DPP10: variants seen among roughly 807,000 people sequenced by gnomAD.
The protein encoded by DPP10 is dipeptidyl peptidase like 10, also known as inactive dipeptidyl peptidase 10.
Under a neutral mutation model 120.9 loss-of-function variants are expected in DPP10, and 33 were observed. The observed-to-expected ratio is 0.27, with a 90% CI of 0.21 to 0.37. DPP10 has a LOEUF of 0.37. DPP10 is among the 10% of genes least tolerant of loss of function. The pLI, the probability that DPP10 is intolerant of heterozygous loss-of-function variation, is 1.00. For missense variants in DPP10, 816 were observed against 942.8 expected, an observed-to-expected ratio of 0.87 and a Z score of 1.76; for synonymous variants, 337 against 326.1, an observed-to-expected ratio of 1.03 and a Z score of -0.36.
At chr2:114,590,679 G>A (rs893111133) in intron 1 of DPP10, among the ~76,000 whole-genome samples, 1 of 152,104 alleles carries the variant, frequency 6.6e-6, no homozygotes, top group South Asian at 2.1e-4. Context: ...TGGAAAGAGA[G>A]GCATAGTACA....
intron 5 of DPP10, among the ~76,000 whole-genome samples, chr2:115,645,483 T>C (rs1427245273): frequency 1.3e-5 from 2 of 152,170 alleles, no homozygotes; most frequent in African/African-American, 2.4e-5. Context: ...CTAGAAACTA[T>C]ATCAAATGAC....
intron 19 of DPP10, among the ~76,000 whole-genome samples, chr2:115,799,510 T>G (rs1044547855): frequency 6.6e-6 from 1 of 152,138 alleles, no homozygotes; most frequent in East Asian, 1.9e-4. Flanking sequence ...TGTATACATG[T>G]GCCATGTTGG....
chr2:115,114,203 C>T (rs2049380921), intron 1 of DPP10, among the ~76,000 whole-genome samples: 1 of 152,148 alleles, frequency 6.6e-6, no homozygotes, highest in Non-Finnish European at 1.5e-5. Context: ...AAACCTCTAG[C>T]CTTCTCTTTG....
intron 1 of DPP10, among the ~76,000 whole-genome samples, chr2:114,469,632 G>A (rs1388638534): frequency 6.6e-6 from 1 of 152,130 alleles, no homozygotes; most frequent in Non-Finnish European, 1.5e-5. Context: ...GGAGGCTGAG[G>A]CAGGAGAATG....
chr2:115,449,282 G>GT (rs2072902584), intron 3 of DPP10, among the ~76,000 whole-genome samples: 1 of 152,054 alleles, frequency 6.6e-6, no homozygotes, highest in East Asian at 1.9e-4. Context: ...AGTTGACCAT[G>GT]TTACTATTGG....
At chr2:114,514,132 G>A (rs192906795) in intron 1 of DPP10, among the ~76,000 whole-genome samples, 17 of 152,242 alleles carry the variant, frequency 1.1e-4, no homozygotes, top group Admixed American at 7.8e-4. Flanking sequence ...CCATCATAAT[G>A]TGAAAAGAAT....
At chr2:115,735,258 C>T (rs1353848384) in intron 8 of DPP10, among the ~76,000 whole-genome samples, 2 of 152,100 alleles carry the variant, frequency 1.3e-5, no homozygotes, top group East Asian at 3.8e-4. Flanking sequence ...TGTTTCATTG[C>T]AGGATGGTAT....
At chr2:115,225,196 G>A (rs745965725) in intron 1 of DPP10, among the ~76,000 whole-genome samples, 5 of 152,082 alleles carry the variant, frequency 3.3e-5, no homozygotes, top group Admixed American at 2.6e-4. Flanking sequence ...GGAGGCCAGC[G>A]AGAAAGCTAT....
chr2:115,755,885 A>C (rs991822548), intron 11 of DPP10, among the ~76,000 whole-genome samples: 1 of 151,478 alleles, frequency 6.6e-6, no homozygotes, highest in Non-Finnish European at 1.5e-5. Flanking sequence ...TTAAAAAAGC[A>C]TACATATATA....
At chr2:114,809,077 G>A (rs577735723) in intron 1 of DPP10, among the ~76,000 whole-genome samples, 288 of 152,246 alleles carry the variant, frequency 1.9e-3, no homozygotes, top group African/African-American at 6.8e-3. Flanking sequence ...GATAATAGGT[G>A]TTATGTTTTT....
chr2:115,405,642 G>A (rs1477904076), intron 3 of DPP10, among the ~76,000 whole-genome samples: 1 of 152,160 alleles, frequency 6.6e-6, no homozygotes, highest in Non-Finnish European at 1.5e-5. Context: ...TCTAGTTGGA[G>A]GCTGCTGCAC....
At chr2:114,943,444 T>G (rs1307617169) in intron 1 of DPP10, among the ~76,000 whole-genome samples, 1 of 152,106 alleles carries the variant, frequency 6.6e-6, no homozygotes, top group African/African-American at 2.4e-5. Context: ...CAGCTAATTT[T>G]TATATTCTTA....
intron 1 of DPP10, among the ~76,000 whole-genome samples, chr2:115,107,659 T>G (rs1047881885): frequency 6.6e-6 from 1 of 152,078 alleles, no homozygotes; most frequent in Non-Finnish European, 1.5e-5. Flanking sequence ...GAGTATCTTA[T>G]GCATTACCAT....
At chr2:115,152,289 T>C (rs1024219990) in intron 1 of DPP10, among the ~76,000 whole-genome samples, 16 of 152,214 alleles carry the variant, frequency 1.1e-4, no homozygotes, top group African/African-American at 3.6e-4. Context: ...TATGTACCAA[T>C]AAAACTTTAT....
At position 115,746,197 on chromosome 2, in the gene DPP10, A is replaced by G. The variant is rs1677949249; in HGVS notation, c.950+14A>G. The G allele has an allele frequency of 6.3e-7, 1 of 1,594,906 alleles. No individual in the cohort carries two copies. The highest frequency in any genetic ancestry group is 2.2e-5 in the East Asian group (1 of 44,618). ...CTTTAAATCAAGGTATGCAATTTCAATTTCACTTTTATGGGGAAATAGATA... is the reference window on the plus strand; with the variant it reads ...CTTTAAATCAAGGTATGCAATTTCAGTTTCACTTTTATGGGGAAATAGATA... On this transcript the variant is annotated intron_variant, in intron 10 of 25. Coordinates refer to ENST00000410059, the MANE Select transcript of DPP10 (RefSeq NM_020868.6).
intron 1 of DPP10, among the ~76,000 whole-genome samples, chr2:114,857,660 A>G (rs1371620160): frequency 1.3e-5 from 2 of 152,182 alleles, no homozygotes; most frequent in Non-Finnish European, 2.9e-5. Context: ...ATATGCTACT[A>G]CTAGTATTTG....
chr2:114,498,417 A>G (rs1682867375), intron 1 of DPP10, among the ~76,000 whole-genome samples: 1 of 152,176 alleles, frequency 6.6e-6, no homozygotes, highest in East Asian at 1.9e-4. Context: ...GAGATCTCAA[A>G]CAAACTCAAA....
At chr2:115,799,683 T>G (rs1035419776) in intron 19 of DPP10, among the ~76,000 whole-genome samples, 1 of 147,770 alleles carries the variant, frequency 6.8e-6, no homozygotes, top group East Asian at 2.1e-4. Flanking sequence ...GAACATGCGG[T>G]GTTTGGTTTT....
chr2:115,495,670 A>G (rs1457561010), intron 3 of DPP10, among the ~76,000 whole-genome samples: 9 of 151,918 alleles, frequency 5.9e-5, no homozygotes, highest in Non-Finnish European at 1.0e-4. Flanking sequence ...AAATTATGGG[A>G]AAAAAAATTG....
Sources: gnomAD v4.1 joint callset for allele counts (sites outside exome capture counted in the v4.1 genomes callset) on GRCh38, gnomAD v4.1.1 for gene constraint, MANE v1.5 for transcripts, NCBI Gene and HGNC (gene_info 2026-07-23, HGNC 2026-07-21) for gene names.